SOX6: variants seen among roughly 807,000 people sequenced by gnomAD.
The protein encoded by SOX6 is SRY-box transcription factor 6, also known as transcription factor SOX-6.
A neutral mutation model predicts 97.8 loss-of-function variants in SOX6; 11 were observed. The observed-to-expected ratio is 0.11, with a 90% confidence interval of 0.07 to 0.19. The LOEUF (loss-of-function observed/expected upper bound fraction) is 0.19, where lower values mean the gene tolerates loss of function less well. SOX6 is among the 10% of genes least tolerant of loss of function. The probability of loss-of-function intolerance (pLI) is 1.00; values close to 1 mark genes in which losing one functional copy is unlikely to be tolerated. For synonymous variants in SOX6, 360 were observed against 371.4 expected, an observed-to-expected ratio of 0.97 and a Z score of 0.35; for missense variants, 810 against 1,039.5, an observed-to-expected ratio of 0.78 and a Z score of 3.04.
chr11:16,287,199 T>C (rs995141304), intron 3 of SOX6, among the ~76,000 whole-genome samples: 2 of 151,838 alleles, frequency 1.3e-5, no homozygotes, highest in Non-Finnish European at 1.5e-5. Flanking sequence ...AAAGAGATGC[T>C]ATATTGTGCT....
At chr11:16,369,843 C>T (rs1857455221) in intron 1 of SOX6, among the ~76,000 whole-genome samples, 1 of 152,130 alleles carries the variant, frequency 6.6e-6, no homozygotes, top group African/African-American at 2.4e-5. Context: ...CAGGTTCTGC[C>T]AATGAGAGAG....
chr11:16,471,229 C>T (rs1354822061), intron 1 of SOX6, among the ~76,000 whole-genome samples: 1 of 151,534 alleles, frequency 6.6e-6, no homozygotes, highest in African/African-American at 2.4e-5. Context: ...ACAATGCTTA[C>T]TTTAGGAAAA....
chr11:15,989,369 C>T (rs572083889), intron 13 of SOX6, 139 bp from the exon 14 acceptor site: 3 of 646,272 alleles, frequency 4.6e-6, no homozygotes, highest in African/African-American at 3.6e-5. Flanking sequence ...AAGTAGAAGG[C>T]AGGTTCAAAT....
At chr11:16,528,441 T>C (rs955900514) in intron 4 of SOX6, among the ~76,000 whole-genome samples, 1 of 152,072 alleles carries the variant, frequency 6.6e-6, no homozygotes, top group East Asian at 1.9e-4. Flanking sequence ...AAGGGAGGGC[T>C]AGGGTCCCAG....
chr11:16,588,034 A>G (rs993338244), intron 4 of SOX6, among the ~76,000 whole-genome samples: 2 of 152,184 alleles, frequency 1.3e-5, no homozygotes, highest in Non-Finnish European at 2.9e-5. Context: ...GGAGCACACT[A>G]TGGAAATATA....
intron 2 of SOX6, among the ~76,000 whole-genome samples, chr11:16,338,657 G>A (rs950777504): frequency 1.9e-4 from 29 of 151,842 alleles, no homozygotes; most frequent in Non-Finnish European, 3.7e-4. Flanking sequence ...CTAGTCATTC[G>A]GAATACACAA....
intron 9 of SOX6, among the ~76,000 whole-genome samples, chr11:16,091,127 C>T (rs1848677270): frequency 6.6e-6 from 1 of 151,926 alleles, no homozygotes; most frequent in African/African-American, 2.4e-5. Flanking sequence ...CTCATCTAAG[C>T]CTAGTTGTAA....
chr11:16,427,687 C>T (rs1342366350), intron 1 of SOX6, among the ~76,000 whole-genome samples: 14 of 152,160 alleles, frequency 9.2e-5, no homozygotes, highest in Middle Eastern at 3.2e-3. Context: ...GCATAGTATT[C>T]CATGGTGTAT....
At chr11:16,318,679 C>G (rs1855823982) in intron 2 of SOX6, 26 bp from the exon 3 acceptor site, 1 of 1,594,630 alleles carries the variant, frequency 6.3e-7, no homozygotes, top group Non-Finnish European at 8.6e-7. Context: ...AAAATAAAAC[C>G]ATTAGAATAT....
intron 4 of SOX6, among the ~76,000 whole-genome samples, chr11:16,516,835 A>G (rs1860982185): frequency 6.6e-6 from 1 of 151,558 alleles, no homozygotes; most frequent in Non-Finnish European, 1.5e-5. Flanking sequence ...TTATGAGGAC[A>G]GCATCATTCT....
intron 9 of SOX6, among the ~76,000 whole-genome samples, chr11:16,061,269 CAAAG>C (rs1406967457): frequency 1.6e-5 from 2 of 122,546 alleles, no homozygotes; most frequent in Non-Finnish European, 3.5e-5. Flanking sequence ...AGCTGAAAAC[CAAAG>C]AAAGAAGGCA....
intron 3 of SOX6, among the ~76,000 whole-genome samples, chr11:16,296,765 A>C (rs1375924102): frequency 2.0e-5 from 3 of 152,142 alleles, no homozygotes; most frequent in East Asian, 1.9e-4. Flanking sequence ...TGACCTTTTA[A>C]GTCAAAAGTA....
At chr11:16,513,610 G>A (rs556367725) in intron 4 of SOX6, among the ~76,000 whole-genome samples, 4 of 152,330 alleles carry the variant, frequency 2.6e-5, no homozygotes, top group African/African-American at 9.6e-5. Context: ...TCCAGCCTGG[G>A]CGACAGAGCA....
At chr11:16,652,213 T>C (rs187634253) in intron 3 of SOX6, among the ~76,000 whole-genome samples, 1 of 152,196 alleles carries the variant, frequency 6.6e-6, no homozygotes, top group East Asian at 1.9e-4. Context: ...TTCAATGCAA[T>C]TAGCATCAAA....
At chr11:16,632,006 C>T (rs926754269) in intron 3 of SOX6, among the ~76,000 whole-genome samples, 3 of 152,182 alleles carry the variant, frequency 2.0e-5, no homozygotes, top group African/African-American at 7.2e-5. Context: ...TTTGCATTGA[C>T]TTTCAACCTT....
chr11:16,099,028 C>T (rs760622641), intron 7 of SOX6, among the ~76,000 whole-genome samples: 4 of 151,760 alleles, frequency 2.6e-5, no homozygotes, highest in Admixed American at 6.6e-5. Context: ...AGTCTCTTTG[C>T]ATCATATCCA....
chr11:16,233,011 T>C (rs1460186391), intron 4 of SOX6, among the ~76,000 whole-genome samples: 2 of 152,152 alleles, frequency 1.3e-5, no homozygotes, highest in African/African-American at 2.4e-5. Flanking sequence ...TTATTAATTA[T>C]TTGCTGGGAA....
At chr11:16,297,520 G>A (rs1027602756) in intron 3 of SOX6, among the ~76,000 whole-genome samples, 3 of 152,144 alleles carry the variant, frequency 2.0e-5, no homozygotes, top group Admixed American at 6.6e-5. Flanking sequence ...CCCACAAGGC[G>A]ACATGAGGTT....
chr11:15,979,065 A>ATATATATATATATATATATAT (rs59143054), intron 15 of SOX6, among the ~76,000 whole-genome samples: 19 of 140,588 alleles, frequency 1.4e-4, no homozygotes, highest in East Asian at 4.1e-4. Context: ...ATATATATAT[A>ATATATATATATATATATATAT]AAACTGCTTA....
Sources: allele counts gnomAD v4.1 joint callset (sites outside exome capture counted in the v4.1 genomes callset), GRCh38; gene constraint gnomAD v4.1.1; transcripts MANE v1.5; gene names NCBI Gene and HGNC (gene_info 2026-07-23, HGNC 2026-07-21).